The following PTPRT variants were observed in gnomAD, a reference collection of about 807,000 sequenced individuals.
The protein encoded by PTPRT is protein tyrosine phosphatase receptor type T.
A neutral mutation model predicts 176.8 loss-of-function variants in PTPRT; 56 were observed. The ratio of observed to expected loss-of-function variants is 0.32; its 90% CI spans 0.26 to 0.40. The LOEUF is 0.40. Among genes scored for constraint, PTPRT ranks in the 10% least tolerant of loss-of-function variants. PTPRT has a pLI of 1.00. For missense variants in PTPRT, 1,540 were observed against 1,908.2 expected (o/e 0.81, Z 3.60); for synonymous variants, 783 against 739.0 (o/e 1.06, Z -0.96).
chr20:43,030,537 G>A (rs1031055973), intron 1 of PTPRT, among the ~76,000 whole-genome samples: 1 of 152,086 alleles, frequency 6.6e-6, no homozygotes, highest in African/African-American at 2.4e-5. Flanking sequence ...AAGCCATGTT[G>A]TGAATATACC....
chr20:42,496,713 A>G (rs1469996459), intron 7 of PTPRT, among the ~76,000 whole-genome samples: 7 of 151,874 alleles, frequency 4.6e-5, no homozygotes, highest in Non-Finnish European at 1.0e-4. Context: ...AATTCTGTGA[A>G]GTCACACACA....
At chr20:42,512,096 T>C (rs1275969278) in intron 7 of PTPRT, among the ~76,000 whole-genome samples, 2 of 152,188 alleles carry the variant, frequency 1.3e-5, no homozygotes, top group Non-Finnish European at 2.9e-5. Context: ...ATTCTTTACT[T>C]AAACATATAT....
At chr20:42,914,117 A>G (rs1314042069) in intron 1 of PTPRT, among the ~76,000 whole-genome samples, 1 of 152,128 alleles carries the variant, frequency 6.6e-6, no homozygotes, top group Non-Finnish European at 1.5e-5. Context: ...GTTGTCCTCT[A>G]TAGTCCCTTG....
chr20:42,464,199 T>G (rs4140638), intron 8 of PTPRT, among the ~76,000 whole-genome samples: 3,452 of 152,264 alleles, frequency 0.023, 296 homozygotes, highest in Admixed American at 0.15. Flanking sequence ...CACTATGGTA[T>G]CACGAAAAGG....
intron 12 of PTPRT, among the ~76,000 whole-genome samples, chr20:42,292,918 T>C (rs758531176): frequency 6.6e-6 from 1 of 152,188 alleles, no homozygotes; most frequent in African/African-American, 2.4e-5. Flanking sequence ...GGCACTTGAG[T>C]GCTAGCTCAC....
In PTPRT at chr20:42,417,156, C is replaced by T. The variant is rs139620625; in HGVS notation, c.1560+31064G>A. On this transcript the variant is annotated intron_variant, in intron 9 of 30. Coordinates refer to ENST00000373187, the MANE Select transcript of PTPRT (RefSeq NM_007050.6). ...TGTCCTAATAGAGAACTGGGCACCT[C>T]CATTTACAGTATGAAGTCTTGGATT... 1.7e-3 allele frequency among the ~76,000 whole-genome samples: 252 copies of T among 152,280 alleles called. 1 individual carries two copies. The highest frequency in any genetic ancestry group is 5.6e-3 in the African/African-American group (232 of 41,548).
chr20:42,888,226 G>A (rs1387917600), intron 1 of PTPRT, among the ~76,000 whole-genome samples: 2 of 152,028 alleles, frequency 1.3e-5, no homozygotes, highest in African/African-American at 4.8e-5. Flanking sequence ...CAACTTTTCA[G>A]GAGCAAAATA....
At chr20:43,025,492 A>G (rs1249244642) in intron 1 of PTPRT, among the ~76,000 whole-genome samples, 1 of 152,242 alleles carries the variant, frequency 6.6e-6, no homozygotes, top group Admixed American at 6.5e-5. Context: ...GTTGGAGGAC[A>G]CGTTCTCAAC....
At chr20:42,483,541 G>A (rs933699258) in intron 7 of PTPRT, among the ~76,000 whole-genome samples, 2 of 152,170 alleles carry the variant, frequency 1.3e-5, no homozygotes, top group African/African-American at 4.8e-5. Flanking sequence ...CTCTCGCCCA[G>A]TTGGGTATGT....
At chr20:42,388,541 G>A (rs1308089671) in intron 9 of PTPRT, among the ~76,000 whole-genome samples, 5 of 152,172 alleles carry the variant, frequency 3.3e-5, no homozygotes, top group Non-Finnish European at 7.3e-5. Flanking sequence ...ATCATCACTG[G>A]CCATCAGAGA....
At chr20:42,835,586 C>T (rs2078167689) in intron 2 of PTPRT, among the ~76,000 whole-genome samples, 1 of 152,266 alleles carries the variant, frequency 6.6e-6, no homozygotes, top group East Asian at 1.9e-4. Context: ...CTGCTGTTCA[C>T]TCAAGGCTTT....
chr20:42,740,268 G>T (rs904929851), intron 6 of PTPRT, among the ~76,000 whole-genome samples: 2 of 152,174 alleles, frequency 1.3e-5, no homozygotes, highest in African/African-American at 4.8e-5. Flanking sequence ...AGGAGACAAA[G>T]CCCTGGGTCC....
intron 9 of PTPRT, among the ~76,000 whole-genome samples, chr20:42,406,710 A>G (rs1161248262): frequency 6.6e-6 from 1 of 152,216 alleles, no homozygotes; most frequent in Non-Finnish European, 1.5e-5. Context: ...CTAGAGATAA[A>G]TTTTACCTAT....
intron 7 of PTPRT, among the ~76,000 whole-genome samples, chr20:42,651,738 C>A (rs977595335): frequency 1.3e-5 from 2 of 152,144 alleles, no homozygotes; most frequent in African/African-American, 4.8e-5. Flanking sequence ...CCAAGCTTCA[C>A]CCTCATCCTT....
rs138160210 is a variant in PTPRT at position 42,835,007 on chromosome 20, T to C, written c.215-43541A>G. ...TATAACTTTTCTCAGGAAGCTCCTA[T>C]ATACCATGCTCTAATAGAATGAGAA... is the stretch of plus-strand genomic sequence containing the variant. On this transcript the variant is annotated intron_variant, in intron 2 of 30. Transcript: ENST00000373187. 1.9e-3 allele frequency among the ~76,000 whole-genome samples: 295 copies of C among 152,248 alleles called. 3 individuals are homozygous for C. In the East Asian group the frequency reaches 0.024, roughly 12 times the overall value.
At chr20:42,682,122 T>C (rs1439855310) in intron 6 of PTPRT, among the ~76,000 whole-genome samples, 1 of 152,206 alleles carries the variant, frequency 6.6e-6, no homozygotes, top group African/African-American at 2.4e-5. Flanking sequence ...GAAATCAAAA[T>C]AGTGTTACTA....
At chr20:42,169,947 C>T (rs576607691) in intron 16 of PTPRT, among the ~76,000 whole-genome samples, 5 of 152,164 alleles carry the variant, frequency 3.3e-5, no homozygotes, top group African/African-American at 7.2e-5. Context: ...CAAGGTGTTC[C>T]GATACCTTTT....
intron 12 of PTPRT, among the ~76,000 whole-genome samples, chr20:42,310,972 C>T (rs1332257360): frequency 6.6e-6 from 1 of 152,158 alleles, no homozygotes; most frequent in Non-Finnish European, 1.5e-5. Flanking sequence ...GCATGGTGTT[C>T]ACATGGCTGG....
chr20:42,526,946 GTTC>G (rs2072280254), intron 7 of PTPRT, among the ~76,000 whole-genome samples: 1 of 138,580 alleles, frequency 7.2e-6, no homozygotes, highest in South Asian at 2.4e-4. Flanking sequence ...TGACTTCTTG[GTTC>G]TTTTTTCTTT....
Sources: gnomAD v4.1 joint callset for allele counts (sites outside exome capture counted in the v4.1 genomes callset) on GRCh38, gnomAD v4.1.1 for gene constraint, MANE v1.5 for transcripts, NCBI Gene and HGNC (gene_info 2026-07-23, HGNC 2026-07-21) for gene names.